S100Z: variants seen among roughly 807,000 people sequenced by gnomAD.
The protein encoded by S100Z is protein S100-Z.
S100Z carries 11 observed loss-of-function variants against 8.5 expected under a neutral mutation model. The ratio of observed to expected loss-of-function variants is 1.30; its 90% confidence interval spans 0.82 to 2.15. The LOEUF (loss-of-function observed/expected upper bound fraction) is 2.15, where lower values mean the gene tolerates loss of function less well. Ranked by LOEUF, S100Z falls within the 30% of genes most tolerant of loss-of-function variation. The pLI, the probability that S100Z is intolerant of heterozygous loss-of-function variation, is 0.00. For synonymous variants in S100Z, 34 were observed against 43.8 expected (o/e 0.78, Z 0.89); for missense variants, 126 against 117.9 (o/e 1.07, Z -0.32).
At chr5:76,913,836 G>A (rs184072337) in intron 4 of S100Z, among the ~76,000 whole-genome samples, 1 of 152,286 alleles carries the variant, frequency 6.6e-6, no homozygotes, top group Admixed American at 6.5e-5. Context: ...AGTACGAGAT[G>A]CTGCCCGGCA....
intron 4 of S100Z, among the ~76,000 whole-genome samples, chr5:76,899,602 A>G (rs73122026): frequency 0.095 from 14,493 of 152,176 alleles, 2,111 homozygotes; most frequent in African/African-American, 0.32. Flanking sequence ...CACTATTTGT[A>G]TAAACAAACA....
intron 1 of S100Z, among the ~76,000 whole-genome samples, chr5:76,854,284 A>G (rs555561076): frequency 6.6e-6 from 1 of 152,322 alleles, no homozygotes; most frequent in African/African-American, 2.4e-5. Context: ...AAGAGTCTGG[A>G]GGGCTCAGAG....
At chr5:76,853,671 C>A (rs953332565) in intron 1 of S100Z, among the ~76,000 whole-genome samples, 3 of 151,956 alleles carry the variant, frequency 2.0e-5, no homozygotes, top group South Asian at 2.1e-4. Flanking sequence ...ATGGTGCACA[C>A]CTGTAGTCCC....
chr5:76,941,940 T>A, the S100Z span, among the ~76,000 whole-genome samples: 23 of 152,226 alleles, frequency 1.5e-4, no homozygotes, highest in Non-Finnish European at 3.2e-4. Flanking sequence ...CACTGGTTTA[T>A]AATCCAATAT....
chr5:76,942,964 C>T, the S100Z span, among the ~76,000 whole-genome samples: 3 of 152,214 alleles, frequency 2.0e-5, no homozygotes, highest in Admixed American at 6.5e-5. Flanking sequence ...TATTATCTCT[C>T]GTGGTTCCTA....
the S100Z span, among the ~76,000 whole-genome samples, chr5:76,947,789 G>T: frequency 6.6e-6 from 1 of 152,186 alleles, no homozygotes; most frequent in African/African-American, 2.4e-5. Flanking sequence ...AACAAATGGT[G>T]TTGGGAAAAC....
the S100Z span, among the ~76,000 whole-genome samples, chr5:76,939,811 C>T: frequency 6.6e-6 from 1 of 151,946 alleles, no homozygotes; most frequent in East Asian, 1.9e-4. Context: ...CCACGCCCAG[C>T]CTAATTCATT....
chr5:76,858,991 G>C (rs1284885413), intron 1 of S100Z, among the ~76,000 whole-genome samples: 1 of 152,128 alleles, frequency 6.6e-6, no homozygotes, highest in African/African-American at 2.4e-5. Flanking sequence ...GTGCACGCCT[G>C]TAATCCCAGC....
chr5:76,881,625 T>C (rs542016701), intron 4 of S100Z, among the ~76,000 whole-genome samples: 2 of 152,288 alleles, frequency 1.3e-5, no homozygotes, highest in Non-Finnish European at 2.9e-5. Context: ...GAAGAGGTTA[T>C]GAAATGACGA....
chr5:76,908,416 C>T (rs1431478990), intron 4 of S100Z, among the ~76,000 whole-genome samples: 2 of 152,234 alleles, frequency 1.3e-5, no homozygotes, highest in East Asian at 3.8e-4. Context: ...CAAACTTCCT[C>T]TCACTTCTCT....
At position 76,877,814 on chromosome 5, in the gene S100Z, G is replaced by A. The variant is rs773832686; in HGVS notation, c.282G>A (p.Leu94=). The change falls in exon 4 of 5, where the codon TTG becomes TTA. Residue 94 remains leucine, a synonymous_variant. Coordinates refer to ENST00000317593, the MANE Select transcript of S100Z (RefSeq NM_130772.4). ...VACNDYFVEQ[L]KKKGK is the part of the protein sequence containing the mutation. ...GTAATGATTACTTTGTAGAACAATT[G>A]AAGAAGAAAGGAAAATAAAGGTAAG... The A allele has an allele frequency of 7.4e-6, 12 of 1,612,648 alleles. No homozygotes were observed. The highest frequency in any genetic ancestry group is 4.5e-5 in the East Asian group (2 of 44,852).
intron 1 of S100Z, among the ~76,000 whole-genome samples, chr5:76,863,716 T>A (rs1010200966): frequency 1.3e-5 from 2 of 151,854 alleles, no homozygotes; most frequent in African/African-American, 4.9e-5. Flanking sequence ...TTTTTTGTAT[T>A]TTTAGTAGAG....
intron 1 of S100Z, among the ~76,000 whole-genome samples, chr5:76,859,784 A>AAAGAG (rs937439612): frequency 6.7e-6 from 1 of 150,220 alleles, no homozygotes; most frequent in African/African-American, 2.5e-5. Context: ...AAAAAAAAAA[A>AAAGAG]AGAAATAAGA....
rs186563636 is a variant in S100Z at position 76,915,467 on chromosome 5, G to T, written c.*3-5250G>T. Among the ~76,000 whole-genome samples the T allele has an allele frequency of 7.5e-3, 1,143 of 151,794 alleles. 10 individuals are homozygous for T. The highest frequency in any genetic ancestry group is 0.025 in the African/African-American group (1,051 of 41,360). ...AAAAAATACAAAAAAAATTAGCCAG[G>T]CATGGGGGTGAGCGTCTGTAGTCCT... is the stretch of plus-strand genomic sequence containing the variant. On this transcript the variant is annotated intron_variant, in intron 4 of 4. Transcript: ENST00000317593.
the S100Z span, among the ~76,000 whole-genome samples, chr5:76,948,584 A>G: frequency 1.5e-4 from 23 of 152,328 alleles, no homozygotes; most frequent in South Asian, 1.9e-3. Context: ...AAAGATGCTC[A>G]ATATCACCAA....
the S100Z span, among the ~76,000 whole-genome samples, chr5:76,930,531 G>T: frequency 1.5e-3 from 221 of 152,240 alleles, no homozygotes; most frequent in African/African-American, 5.2e-3. Context: ...CCTAAGGTTT[G>T]GTTGCTTAGG....
At chr5:76,938,777 G>GT in the S100Z span, among the ~76,000 whole-genome samples, 1 of 152,040 alleles carries the variant, frequency 6.6e-6, no homozygotes, top group African/African-American at 2.4e-5. Context: ...TAGAGATCAT[G>GT]TTTTTTTCCC....
At chr5:76,882,039 G>A (rs895549730) in intron 4 of S100Z, among the ~76,000 whole-genome samples, 1 of 152,188 alleles carries the variant, frequency 6.6e-6, no homozygotes, top group African/African-American at 2.4e-5. Context: ...TTTACAGTCA[G>A]TATAAATATT....
chr5:76,944,942 G>A, the S100Z span, among the ~76,000 whole-genome samples: 2 of 152,172 alleles, frequency 1.3e-5, no homozygotes, highest in Non-Finnish European at 2.9e-5. Flanking sequence ...ATATTTTAGA[G>A]TAAGGCTGAA....
Sources: allele counts gnomAD v4.1 joint callset (sites outside exome capture counted in the v4.1 genomes callset), GRCh38; gene constraint gnomAD v4.1.1; transcripts MANE v1.5; gene names NCBI Gene and HGNC (gene_info 2026-07-23, HGNC 2026-07-21).